The following CCDC178 variants were observed in gnomAD, a reference collection of about 807,000 sequenced individuals.
The protein encoded by CCDC178 is coiled-coil domain-containing protein 178.
Under a neutral mutation model 117.4 loss-of-function variants are expected in CCDC178, and 126 were observed. The observed-to-expected ratio is 1.07, with a 90% CI of 0.93 to 1.24. The LOEUF (loss-of-function observed/expected upper bound fraction) is 1.24. CCDC178 is among the 50% of genes most tolerant of loss of function. CCDC178 has a pLI of 0.00. For synonymous variants in CCDC178, 283 were observed against 313.4 expected, an observed-to-expected ratio of 0.90 and a Z score of 1.02; for missense variants, 1,030 against 986.9, an observed-to-expected ratio of 1.04 and a Z score of -0.59.
At chr18:33,044,192 G>C (rs968008199) in intron 21 of CCDC178, among the ~76,000 whole-genome samples, 3 of 151,778 alleles carry the variant, frequency 2.0e-5, no homozygotes, top group Non-Finnish European at 4.4e-5. Flanking sequence ...TTTAAGCAAG[G>C]AGATTAAAAA....
intron 18 of CCDC178, among the ~76,000 whole-genome samples, chr18:33,218,313 G>A (rs962957463): frequency 4.6e-5 from 7 of 152,040 alleles, no homozygotes; most frequent in East Asian, 3.9e-4. Flanking sequence ...ATTTTTTCTC[G>A]TAAATTTGTT....
intron 20 of CCDC178, among the ~76,000 whole-genome samples, chr18:33,162,924 A>G (rs1055225456): frequency 6.6e-6 from 1 of 152,122 alleles, no homozygotes; most frequent in African/African-American, 2.4e-5. Context: ...GGGTAGACGG[A>G]TTTATATTCC....
chr18:32,994,415 C>T (rs890486855), intron 21 of CCDC178, among the ~76,000 whole-genome samples: 11 of 152,150 alleles, frequency 7.2e-5, no homozygotes, highest in African/African-American at 2.7e-4. Context: ...AAATTTTCAT[C>T]ACCTGTAAAA....
chr18:33,150,895 C>T (rs2058333511), intron 20 of CCDC178, among the ~76,000 whole-genome samples: 1 of 152,134 alleles, frequency 6.6e-6, no homozygotes, highest in Non-Finnish European at 1.5e-5. Context: ...ATCAACCATA[C>T]ACCATAGAAT....
At chr18:33,358,422 G>C (rs1273209862) in intron 6 of CCDC178, among the ~76,000 whole-genome samples, 1 of 151,816 alleles carries the variant, frequency 6.6e-6, no homozygotes, top group Non-Finnish European at 1.5e-5. Flanking sequence ...ATGACTGAAA[G>C]CAGATATTGG....
intron 21 of CCDC178, among the ~76,000 whole-genome samples, chr18:33,032,010 C>T (rs921173280): frequency 1.3e-5 from 2 of 152,010 alleles, no homozygotes; most frequent in African/African-American, 2.4e-5. Context: ...TAACACAGTG[C>T]AATTCTAATT....
chr18:33,401,392 A>C (rs940610723), intron 3 of CCDC178, among the ~76,000 whole-genome samples: 1 of 152,326 alleles, frequency 6.6e-6, no homozygotes, highest in African/African-American at 2.4e-5. Flanking sequence ...AGGTGCCTAT[A>C]GTCAGTTTCT....
At chr18:33,417,876 A>C (rs2063968187) in intron 2 of CCDC178, among the ~76,000 whole-genome samples, 1 of 152,208 alleles carries the variant, frequency 6.6e-6, no homozygotes, top group Non-Finnish European at 1.5e-5. Context: ...GAAAAAGCCC[A>C]GTACCAGAGA....
chr18:33,094,172 T>C (rs2057508706), intron 20 of CCDC178, among the ~76,000 whole-genome samples: 1 of 152,046 alleles, frequency 6.6e-6, no homozygotes, highest in African/African-American at 2.4e-5. Context: ...GTCATAGCTA[T>C]TCTTCAAAAA....
At chr18:33,395,732 T>G (rs1426969426) in intron 4 of CCDC178, among the ~76,000 whole-genome samples, 6 of 152,102 alleles carry the variant, frequency 3.9e-5, no homozygotes, top group Non-Finnish European at 8.8e-5. Context: ...CATCATGGAA[T>G]GCCCATGAAT....
intron 20 of CCDC178, among the ~76,000 whole-genome samples, chr18:33,115,137 T>C (rs962906906): frequency 6.6e-6 from 1 of 152,042 alleles, no homozygotes; most frequent in Non-Finnish European, 1.5e-5. Flanking sequence ...CCTTGCTTGG[T>C]TCTTTTCTTC....
chr18:33,386,933 T>C (rs891296470), intron 5 of CCDC178, among the ~76,000 whole-genome samples: 2 of 152,154 alleles, frequency 1.3e-5, no homozygotes, highest in Admixed American at 6.5e-5. Context: ...ATTGTCTTTG[T>C]TTGAGGATGA....
At chr18:33,439,601 G>C (rs1185227992) in intron 2 of CCDC178, among the ~76,000 whole-genome samples, 1 of 152,182 alleles carries the variant, frequency 6.6e-6, no homozygotes, top group East Asian at 1.9e-4. Flanking sequence ...TCTTGGATTT[G>C]TCTTACAACT....
At chr18:33,285,366 G>GA in intron 12 of CCDC178, among the ~76,000 whole-genome samples, 1 of 151,878 alleles carries the variant, frequency 6.6e-6, no homozygotes, top group East Asian at 1.9e-4. Context: ...TCAAACAATG[G>GA]AAAAAAATCA....
At chr18:33,419,271 C>T (rs527970829) in intron 2 of CCDC178, among the ~76,000 whole-genome samples, 1 of 152,258 alleles carries the variant, frequency 6.6e-6, no homozygotes, top group Non-Finnish European at 1.5e-5. Flanking sequence ...CGTCCCTACA[C>T]CACTATATTC....
At chr18:33,266,872 T>C (rs749250255) in intron 14 of CCDC178, 44 bp downstream of exon 14, 11 of 1,434,826 alleles carry the variant, frequency 7.7e-6, no homozygotes, top group Non-Finnish European at 9.4e-6. Flanking sequence ...GTATTTAACA[T>C]ATTGGATTAT....
At chr18:32,956,849 A>G (rs541400995) in intron 22 of CCDC178, 47 of 152,318 alleles carry the variant, frequency 3.1e-4, no homozygotes, top group African/African-American at 1.1e-3. Context: ...ATTAGAAAGA[A>G]CTGTTTTTTC....
chr18:33,270,111 C>T (rs2080839742), intron 12 of CCDC178, among the ~76,000 whole-genome samples: 1 of 151,358 alleles, frequency 6.6e-6, no homozygotes, highest in Non-Finnish European at 1.5e-5. Context: ...TTGCTATCTG[C>T]ACTCAACAGC....
chr18:33,141,027 C>T (rs2058197338), intron 20 of CCDC178, among the ~76,000 whole-genome samples: 4 of 152,188 alleles, frequency 2.6e-5, no homozygotes, highest in Admixed American at 2.6e-4. Context: ...AACAAGCTCT[C>T]TCTTTGCCTG....
Sources: allele counts gnomAD v4.1 joint callset (sites outside exome capture counted in the v4.1 genomes callset), GRCh38; gene constraint gnomAD v4.1.1; transcripts MANE v1.5; gene names NCBI Gene and HGNC (gene_info 2026-07-23, HGNC 2026-07-21).